The following EPS8 variants were observed in gnomAD, a reference collection of about 807,000 sequenced individuals.
The protein encoded by EPS8 is EGFR pathway substrate 8, signaling adaptor, also known as epidermal growth factor receptor kinase substrate 8.
A neutral mutation model predicts 103.8 loss-of-function variants in EPS8; 42 were observed. The observed-to-expected ratio is 0.40, with a 90% confidence interval of 0.32 to 0.52. The LOEUF (loss-of-function observed/expected upper bound fraction) is 0.52. EPS8 is among the 20% of genes least tolerant of loss of function. The pLI, the probability that EPS8 is intolerant of heterozygous loss-of-function variation, is 0.40. For missense variants in EPS8, 969 were observed against 1,005.1 expected, an observed-to-expected ratio of 0.96 and a Z score of 0.49; for synonymous variants, 344 against 344.6, an observed-to-expected ratio of 1.00 and a Z score of 0.02.
At position 15,789,123 on chromosome 12, in the gene EPS8, G is replaced by C. The variant is rs1001259335; in HGVS notation, c.-22+38C>G. The C allele has an allele frequency of 6.6e-6, 1 of 152,164 alleles. No individual in the cohort carries two copies. Among genetic ancestry groups the C allele is most frequent in the Admixed American group, 6.5e-5 (1 of 15,292 alleles). The allele number at this position is 152,164 out of a possible 1,614,324, so 9.4% of individuals were successfully genotyped here. A position where few individuals can be genotyped will look rare whatever the true frequency, so the allele number is the denominator to read the frequency against. On this transcript the variant is annotated intron_variant, in intron 1 of 20. Transcript: ENST00000281172. This position sits in a 1 kb window ranked among gnomAD's most constrained non-coding sequence, Gnocchi z 6.1. ...AAAATCGAGAAAGTCAAAGCCGCCG[G>C]ACCCCGGGACCGGCGCCTTTCGCCA...
intron 1 of EPS8, chr12:15,712,947 C>T (rs1946486399): frequency 3.0e-6 from 3 of 985,350 alleles, no homozygotes; most frequent in East Asian, 1.1e-4. Flanking sequence ...TGACCTTTGG[C>T]ACAACGTCAG....
In EPS8 at chr12:15,725,379, G is replaced by A. The variant is rs776168385; in HGVS notation, c.-21-42407C>T. Among the ~76,000 whole-genome samples, 9 of 151,694 alleles carry A rather than the reference G, an allele frequency of 5.9e-5. No individual in the cohort carries two copies. Among genetic ancestry groups the A allele is most frequent in the Non-Finnish European group, 1.3e-4 (9 of 67,962 alleles). ...CCCAGCTACTTGGGAGGCCGAGGCA[G>A]GAGGATCACTTGAGCAGAAGAATTG... On this transcript the variant is annotated intron_variant, in intron 1 of 20. Transcript: ENST00000281172. This position sits in a 1 kb window ranked among gnomAD's most constrained non-coding sequence, Gnocchi z 4.5.
rs1423184181 is a variant in EPS8, at chr12:15,727,304, C to T, written c.-21-44332G>A. ...CAACGATTCGAAGTAGATTAACTCT[C>T]ACTATATCCCCAAGTAGATCTGACC... On this transcript the variant is annotated intron_variant, in intron 1 of 20. Transcript: ENST00000281172. This position sits in a 1 kb window ranked among gnomAD's most constrained non-coding sequence, Gnocchi z 4.3. Among the ~76,000 whole-genome samples the T allele has an allele frequency of 6.6e-6, 1 of 152,178 alleles. No individual in the cohort carries two copies. Among genetic ancestry groups the T allele is most frequent in the South Asian group, 2.1e-4 (1 of 4,830 alleles).
Position 15,754,233 on chromosome 12 carries a change from GA to G in EPS8, c.-22+34927del, listed in dbSNP as rs750888299. Among the ~76,000 whole-genome samples the G allele has an allele frequency of 5.3e-3, 690 of 131,130 alleles. 7 individuals are homozygous for G. The highest frequency in any genetic ancestry group is 0.037 in the East Asian group (170 of 4,546). The allele number at this position is 131,130 out of a possible 152,430, so 86.0% of individuals were successfully genotyped here. ...TCAATTAAGACACTTGTTCCATTTG[GA>G]AAAAAAAAAAAAAGAGTTTAAATGA... On this transcript the variant is annotated intron_variant, in intron 1 of 20. Transcript: ENST00000281172.
rs1050156408 is a variant in EPS8, at chr12:15,778,331, A to T, written c.-22+10830T>A. Among the ~76,000 whole-genome samples the T allele has an allele frequency of 5.9e-5, 9 of 152,216 alleles. No homozygotes were observed. The highest frequency in any genetic ancestry group is 1.3e-4 in the Non-Finnish European group (9 of 68,022). Reference sequence around the variant, plus strand: ...ATGAGTATCATGTGAATAATGCTACAAGTATTGGACCAATGACCAGATTTT... The same window carrying T: ...ATGAGTATCATGTGAATAATGCTACTAGTATTGGACCAATGACCAGATTTT... On this transcript the variant is annotated intron_variant, in intron 1 of 20. Coordinates refer to ENST00000281172, the MANE Select transcript of EPS8 (RefSeq NM_004447.6). The surrounding 1 kb of genome is among the most constrained non-coding windows in gnomAD (Gnocchi z 4.5).
At chr12:15,640,335 G>GC (rs1381580246) in intron 17 of EPS8, among the ~76,000 whole-genome samples, 1 of 152,190 alleles carries the variant, frequency 6.6e-6, no homozygotes, top group East Asian at 1.9e-4. Context: ...TGGACACCAT[G>GC]CCGTGATATC....
At position 15,779,411 on chromosome 12, in the gene EPS8, T is replaced by C. The variant is rs555101584; in HGVS notation, c.-22+9750A>G. 6.6e-6 allele frequency among the ~76,000 whole-genome samples: 1 copy of C among 152,354 alleles called. No homozygotes were observed. Among genetic ancestry groups the C allele is most frequent in the African/African-American group, 2.4e-5 (1 of 41,594 alleles). On this transcript the variant is annotated intron_variant, in intron 1 of 20. Coordinates refer to ENST00000281172, the MANE Select transcript of EPS8 (RefSeq NM_004447.6). This position sits in a 1 kb window ranked among gnomAD's most constrained non-coding sequence, Gnocchi z 4.3. ...TGTACATTCAGGTCTAAAATTACCA[T>C]CAACTTTAAATGTCAAAATTATTGC...
At chr12:15,627,509 A>T (rs1272368566) in intron 18 of EPS8, among the ~76,000 whole-genome samples, 5 of 152,130 alleles carry the variant, frequency 3.3e-5, no homozygotes, top group Admixed American at 3.3e-4. Context: ...CAAACCCCTT[A>T]CATAACCAGA....
intron 13 of EPS8, among the ~76,000 whole-genome samples, chr12:15,652,875 C>T (rs1945439637): frequency 6.6e-6 from 1 of 152,052 alleles, no homozygotes; most frequent in Non-Finnish European, 1.5e-5. Flanking sequence ...GACTCTTAAG[C>T]TAGCCCATTC....
chr12:15,732,934 T>C (rs1467564843), intron 1 of EPS8, among the ~76,000 whole-genome samples: 1 of 152,148 alleles, frequency 6.6e-6, no homozygotes. Flanking sequence ...TCTTGTAGAC[T>C]AAGACACAGA....
intron 1 of EPS8, among the ~76,000 whole-genome samples, chr12:15,750,501 A>G (rs1565529640): frequency 6.6e-6 from 1 of 152,198 alleles, no homozygotes; most frequent in Non-Finnish European, 1.5e-5. Context: ...AAAAGTATAC[A>G]TCTTTATGGT....
intron 1 of EPS8, among the ~76,000 whole-genome samples, chr12:15,744,254 G>A (rs920072729): frequency 6.6e-6 from 1 of 152,154 alleles, no homozygotes; most frequent in Non-Finnish European, 1.5e-5. Context: ...AGCTCAACAA[G>A]CATGGAAATA....
At chr12:15,642,664 C>T (rs1945252691) in intron 15 of EPS8, among the ~76,000 whole-genome samples, 1 of 152,128 alleles carries the variant, frequency 6.6e-6, no homozygotes, top group Admixed American at 6.5e-5. Context: ...GTCTTCTCCT[C>T]CATTTACATT....
intron 1 of EPS8, among the ~76,000 whole-genome samples, chr12:15,723,303 C>A (rs7970492): frequency 0.044 from 6,628 of 151,918 alleles, 486 homozygotes; most frequent in African/African-American, 0.15. Context: ...AGAGTGAGAC[C>A]CTGTCTCAAA....
intron 6 of EPS8, among the ~76,000 whole-genome samples, chr12:15,666,778 A>G (rs1470752641): frequency 6.6e-6 from 1 of 152,208 alleles, no homozygotes; most frequent in Non-Finnish European, 1.5e-5. Flanking sequence ...AAAGGCAATG[A>G]TAGAAAGGAT....
Position 15,716,976 on chromosome 12 carries a change from G to A in EPS8, c.-21-34004C>T, listed in dbSNP as rs1377698387. 2.6e-5 allele frequency among the ~76,000 whole-genome samples: 4 copies of A among 152,116 alleles called. No individual in the cohort carries two copies. The highest frequency in any genetic ancestry group is 2.6e-4 in the Admixed American group (4 of 15,268). On this transcript the variant is annotated intron_variant, in intron 1 of 20. Coordinates refer to ENST00000281172, the MANE Select transcript of EPS8 (RefSeq NM_004447.6). This position sits in a 1 kb window ranked among gnomAD's most constrained non-coding sequence, Gnocchi z 5.0. The stretch of plus-strand genomic sequence containing the variant: ...CTAACTTTAATACCTTTTTCAGTGA[G>A]AGTAAGAAACCCAAAAGAAGTTTCT...
intron 1 of EPS8, among the ~76,000 whole-genome samples, chr12:15,744,341 C>T (rs978844042): frequency 1.3e-5 from 2 of 152,208 alleles, no homozygotes; most frequent in African/African-American, 4.8e-5. Context: ...CTTCCTCTGC[C>T]CCTTCCTTAT....
rs1946232256 is a variant in EPS8, at chr12:15,695,606, T to C, written c.-21-12634A>G. 6.6e-6 allele frequency among the ~76,000 whole-genome samples: 1 copy of C among 152,206 alleles called. No individual in the cohort carries two copies. The highest frequency in any genetic ancestry group is 1.5e-5 in the Non-Finnish European group (1 of 68,030). ...CACTAGACAGGGTAGCTCTACATAT[T>C]GAGTGCATGGTTAGCAAAACAGACA... On this transcript the variant is annotated intron_variant, in intron 1 of 20. Coordinates refer to ENST00000281172, the MANE Select transcript of EPS8 (RefSeq NM_004447.6). This position sits in a 1 kb window ranked among gnomAD's most constrained non-coding sequence, Gnocchi z 5.0.
intron 8 of EPS8, chr12:15,662,368 G>A: frequency 9.5e-6 from 11 of 1,162,984 alleles, no homozygotes; most frequent in Non-Finnish European, 1.2e-5. Context: ...TCTCTTCCCT[G>A]AGTCAGCTAC....
Sources: allele counts gnomAD v4.1 joint callset (sites outside exome capture counted in the v4.1 genomes callset), GRCh38; gene constraint gnomAD v4.1.1; non-coding constraint Gnocchi (gnomAD v3.1); transcripts MANE v1.5; gene names NCBI Gene and HGNC (gene_info 2026-07-23, HGNC 2026-07-21).